The following TET1 variants were observed in gnomAD, a reference collection of about 807,000 sequenced individuals.
TET1 encodes the protein tet methylcytosine dioxygenase 1.
In TET1, 13 loss-of-function variants were observed where a neutral mutation model predicts 148.7. The observed-to-expected ratio is 0.09, with a 90% CI of 0.06 to 0.14. TET1 has a LOEUF of 0.14. TET1 is among the 10% of genes least tolerant of loss of function. The pLI, the probability that TET1 is intolerant of heterozygous loss-of-function variation, is 1.00. For missense variants in TET1, 2,182 were observed against 2,553.8 expected, an observed-to-expected ratio of 0.85 and a Z score of 3.14; for synonymous variants, 907 against 937.2, an observed-to-expected ratio of 0.97 and a Z score of 0.59.
chr10:68,602,761 G>T (rs548175055), intron 3 of TET1, among the ~76,000 whole-genome samples: 1 of 152,128 alleles, frequency 6.6e-6, no homozygotes, highest in Non-Finnish European at 1.5e-5. Flanking sequence ...TGTTGCTCAC[G>T]TTCCTCTATA....
At chr10:68,688,978 G>T (rs2055554629) in intron 11 of TET1, among the ~76,000 whole-genome samples, 1 of 152,146 alleles carries the variant, frequency 6.6e-6, no homozygotes, top group Non-Finnish European at 1.5e-5. Flanking sequence ...TTTATATAAT[G>T]CTGAAAGAAA....
intron 6 of TET1, among the ~76,000 whole-genome samples, chr10:68,657,766 C>T (rs187535382): frequency 4.7e-4 from 71 of 151,086 alleles, no homozygotes; most frequent in African/African-American, 1.6e-3. Context: ...TGGAGTTGTC[C>T]ACCCCACGCT....
chr10:68,673,506 C>T (rs564869814), intron 8 of TET1: 21 of 338,540 alleles, frequency 6.2e-5, no homozygotes, highest in Non-Finnish European at 1.1e-4. Flanking sequence ...AGAAATTAGT[C>T]GAACTTGGTG....
At chr10:68,667,743 CAA>C (rs71474424) in intron 7 of TET1, among the ~76,000 whole-genome samples, 1,614 of 118,064 alleles carry the variant, frequency 0.014, 26 homozygotes, top group African/African-American at 0.047. Flanking sequence ...GACTCCATCT[CAA>C]AAAAAAAAAA....
At chr10:68,682,002 T>C (rs2055441046) in intron 9 of TET1, among the ~76,000 whole-genome samples, 2 of 145,654 alleles carry the variant, frequency 1.4e-5, no homozygotes, top group African/African-American at 5.0e-5. Flanking sequence ...TCATTGTTAA[T>C]AGAAAAATTT....
intron 2 of TET1, among the ~76,000 whole-genome samples, chr10:68,591,181 T>G (rs368938771): frequency 1.2e-4 from 19 of 152,216 alleles, no homozygotes; most frequent in African/African-American, 4.3e-4. Context: ...AAAAAGCTAA[T>G]GTGTCATTGA....
intron 9 of TET1, among the ~76,000 whole-genome samples, chr10:68,682,065 ATGTAAT>A (rs1294869873): frequency 3.1e-5 from 4 of 130,966 alleles, no homozygotes; most frequent in African/African-American, 1.1e-4. Context: ...ACATACATTT[ATGTAAT>A]TGGACTTTTT....
intron 3 of TET1, among the ~76,000 whole-genome samples, chr10:68,611,909 G>A (rs1194118931): frequency 6.7e-6 from 1 of 149,172 alleles, no homozygotes; most frequent in Non-Finnish European, 1.5e-5. Flanking sequence ...AAGGAAGGAA[G>A]GAAGAAAGGA....
At chr10:68,613,113 G>A (rs567362982) in intron 3 of TET1, among the ~76,000 whole-genome samples, 3 of 152,140 alleles carry the variant, frequency 2.0e-5, no homozygotes, top group Non-Finnish European at 4.4e-5. Flanking sequence ...TTGCATCTTG[G>A]TGTAAAGGAA....
At chr10:68,617,249 C>A (rs1274569608) in intron 3 of TET1, among the ~76,000 whole-genome samples, 1 of 150,712 alleles carries the variant, frequency 6.6e-6, no homozygotes, top group Non-Finnish European at 1.5e-5. Flanking sequence ...TGGTCTCGAT[C>A]TCCTGACCTC....
At chr10:68,673,960 CTTTTTTTTTTTTT>C (rs869073350) in intron 8 of TET1, among the ~76,000 whole-genome samples, 5 of 72,400 alleles carry the variant, frequency 6.9e-5, no homozygotes, top group African/African-American at 2.1e-4. Flanking sequence ...TTTTCTTTTT[CTTTTTTTTTTTTT>C]TTTTTGAGAC....
rs1412578727 is a variant in TET1, at chr10:68,694,036, A to G, written c.*2222A>G. ...GAAATATTTTTAAAAGAAGTAGCAA[A>G]TTATCTTCAGTATAATCCATGGTAA... On this transcript the variant is annotated 3_prime_UTR_variant, in exon 12 of 12. Coordinates refer to ENST00000373644, the MANE Select transcript of TET1 (RefSeq NM_030625.3). The G allele has an allele frequency of 2.6e-5, 6 of 231,384 alleles. No individual in the cohort carries two copies. The highest frequency in any genetic ancestry group is 5.6e-5 in the Admixed American group (1 of 17,728). The allele number at this position is 231,384 out of a possible 1,614,324, so 14.3% of individuals were successfully genotyped here.
At chr10:68,607,936 CTTT>C (rs1054826809) in intron 3 of TET1, among the ~76,000 whole-genome samples, 1 of 143,106 alleles carries the variant, frequency 7.0e-6, no homozygotes, top group Non-Finnish European at 1.5e-5. Flanking sequence ...GTAACAGTGT[CTTT>C]TTTTTTTTTG....
Position 68,581,816 on chromosome 10 carries a change from G to A in TET1, c.1914+7564G>A, listed in dbSNP as rs372865938. Among the ~76,000 whole-genome samples the A allele has an allele frequency of 2.0e-3, 304 of 149,722 alleles. 2 individuals carry two copies. Among genetic ancestry groups the A allele is most frequent in the African/African-American group, 7.0e-3 (284 of 40,682 alleles). On this transcript the variant is annotated intron_variant, in intron 2 of 11. Transcript: ENST00000373644. ...GCTTAGATCACACTACAGCCTGGGCGACAGAGTGAGACCGTGTCTCAAAAA... is the reference window on the plus strand; with the variant it reads ...GCTTAGATCACACTACAGCCTGGGCAACAGAGTGAGACCGTGTCTCAAAAA...
chr10:68,624,633 T>TTTCC (rs2054431786), intron 3 of TET1, among the ~76,000 whole-genome samples: 1 of 43,146 alleles, frequency 2.3e-5, no homozygotes, highest in Non-Finnish European at 4.1e-5. Context: ...TCTTTCTTTC[T>TTTCC]TTCTTTCTTT....
In TET1 at chr10:68,574,071, C is replaced by T. The variant is rs760983285; in HGVS notation, c.1733C>T (p.Thr578Ile). 3.1e-6 allele frequency: 5 copies of T among 1,614,068 alleles called. No homozygotes were observed. The highest frequency in any genetic ancestry group is 4.2e-6 in the Non-Finnish European group (5 of 1,180,046). The change falls in exon 2 of 12, where the codon ACT becomes ATT. Residue 578 changes from threonine to isoleucine, a missense_variant. Coordinates refer to ENST00000373644, the MANE Select transcript of TET1 (RefSeq NM_030625.3). ...AGTACCTCCTCTTCTTCCTATACCA[C>T]TTTGCTACCGACTTTGGAAAAGAAG... ...MVSTSSSSYT[T>I]LLPTLEKKKR... is the part of the protein sequence containing the mutation.
chr10:68,677,190 G>T (rs926040443), intron 8 of TET1, among the ~76,000 whole-genome samples: 2 of 152,248 alleles, frequency 1.3e-5, no homozygotes, highest in African/African-American at 2.4e-5. Context: ...GCCCAGGAAG[G>T]CTCCACCAGA....
chr10:68,618,817 T>C (rs958453022), intron 3 of TET1, among the ~76,000 whole-genome samples: 1 of 152,090 alleles, frequency 6.6e-6, no homozygotes, highest in Non-Finnish European at 1.5e-5. Flanking sequence ...TAAAAGGAAA[T>C]CTGGGCCTGG....
At chr10:68,601,296 G>A (rs1231433706) in intron 3 of TET1, among the ~76,000 whole-genome samples, 6 of 152,116 alleles carry the variant, frequency 3.9e-5, no homozygotes, top group Non-Finnish European at 7.4e-5. Flanking sequence ...AATAAAATTT[G>A]TTTTTCTTTA....
Sources: gnomAD v4.1 joint callset for allele counts (sites outside exome capture counted in the v4.1 genomes callset) on GRCh38, gnomAD v4.1.1 for gene constraint, MANE v1.5 for transcripts, NCBI Gene and HGNC (gene_info 2026-07-23, HGNC 2026-07-21) for gene names.